Variants in SLC1A2 observed in about 807,000 individuals in gnomAD.
The protein encoded by SLC1A2 is solute carrier family 1 member 2, also known as excitatory amino acid transporter 2.
Under a neutral mutation model 48.8 loss-of-function variants are expected in SLC1A2, and 15 were observed. The ratio of observed to expected loss-of-function variants is 0.31; its 90% CI spans 0.21 to 0.47. SLC1A2 has a LOEUF of 0.47. SLC1A2 is among the 20% of genes least tolerant of loss of function. SLC1A2 has a pLI of 0.99. For synonymous variants in SLC1A2, 279 were observed against 272.6 expected, an observed-to-expected ratio of 1.02 and a Z score of -0.23; for missense variants, 502 against 730.5, an observed-to-expected ratio of 0.69 and a Z score of 3.61.
chr11:35,268,600 G>C (rs1850175531), intron 9 of SLC1A2, among the ~76,000 whole-genome samples: 1 of 151,668 alleles, frequency 6.6e-6, no homozygotes, highest in African/African-American at 2.4e-5. Context: ...GGGAGGCAGA[G>C]GTTGCAGTGA....
intron 1 of SLC1A2, among the ~76,000 whole-genome samples, chr11:35,402,774 G>A (rs1242593969): frequency 6.6e-6 from 1 of 152,216 alleles, no homozygotes; most frequent in Admixed American, 6.5e-5. Flanking sequence ...CAGGACACCT[G>A]CCTGGTGTCG....
chr11:35,321,129 G>T (rs990426870), intron 1 of SLC1A2, among the ~76,000 whole-genome samples: 4 of 152,142 alleles, frequency 2.6e-5, no homozygotes, highest in African/African-American at 9.7e-5. Context: ...AGGGGGAAAA[G>T]CCCCTTATAA....
intron 1 of SLC1A2, among the ~76,000 whole-genome samples, chr11:35,356,089 C>T (rs1853450871): frequency 6.6e-6 from 1 of 152,074 alleles, no homozygotes; most frequent in Admixed American, 6.6e-5. Flanking sequence ...GTTGGTGTGG[C>T]CTTCTGAGCA....
In SLC1A2 at chr11:35,258,767, C is replaced by T. The variant is rs1434711927; in HGVS notation, c.*2127G>A. The T allele has an allele frequency of 6.6e-6, 1 of 152,048 alleles. No homozygotes were observed. The highest frequency in any genetic ancestry group is 1.5e-5 in the Non-Finnish European group (1 of 68,042). 9.4% of individuals were successfully genotyped at this position (152,048 alleles called of 1,614,324 possible). A position where few individuals can be genotyped will look rare whatever the true frequency, so the allele number is the denominator to read the frequency against. Reference sequence around the variant, plus strand: ...CCATCCTGGCTAACATAATGAAACCCATCTGTACTAAAAATACAAAAAATT... The same window carrying T: ...CCATCCTGGCTAACATAATGAAACCTATCTGTACTAAAAATACAAAAAATT... On this transcript the variant is annotated 3_prime_UTR_variant, in exon 11 of 11. Coordinates refer to ENST00000278379, the MANE Select transcript of SLC1A2 (RefSeq NM_004171.4).
chr11:35,336,236 T>C (rs1421331179), intron 1 of SLC1A2, among the ~76,000 whole-genome samples: 1 of 152,184 alleles, frequency 6.6e-6, no homozygotes, highest in Admixed American at 6.5e-5. Flanking sequence ...ACTTAGGTGA[T>C]GGGTTGATAA....
At chr11:35,361,007 C>T (rs1257936662) in intron 1 of SLC1A2, among the ~76,000 whole-genome samples, 1 of 152,078 alleles carries the variant, frequency 6.6e-6, no homozygotes, top group Non-Finnish European at 1.5e-5. Context: ...TCCTGAGTAG[C>T]TGGGACTACA....
rs1219689215 is a variant in SLC1A2, at chr11:35,257,527, G to A, written c.*3367C>T. 6.6e-6 allele frequency: 1 copy of A among 152,162 alleles called. No homozygotes were observed. The highest frequency in any genetic ancestry group is 1.5e-5 in the Non-Finnish European group (1 of 68,018). The allele number at this position is 152,162 out of a possible 1,614,324, so 9.4% of individuals were successfully genotyped here. A position where few individuals can be genotyped will look rare whatever the true frequency, so the allele number is the denominator to read the frequency against. On this transcript the variant is annotated 3_prime_UTR_variant, in exon 11 of 11. Coordinates refer to ENST00000278379, the MANE Select transcript of SLC1A2 (RefSeq NM_004171.4). The stretch of plus-strand genomic sequence containing the variant: ...CTAGAGTCCTATGTTGAAGATCTGT[G>A]AGATCTAGATGATTGCCCTGATTTT...
rs1332105337 is a variant in SLC1A2 at position 35,256,896 on chromosome 11, A to T, written c.*3998T>A. The T allele has an allele frequency of 6.6e-6, 1 of 152,160 alleles. No homozygotes were observed. Among genetic ancestry groups the T allele is most frequent in the African/African-American group, 2.4e-5 (1 of 41,438 alleles). 9.4% of individuals were successfully genotyped at this position (152,160 alleles called of 1,614,324 possible). On this transcript the variant is annotated 3_prime_UTR_variant, in exon 11 of 11. Transcript: ENST00000278379. ...TGAGACTTGTTTTTCAGGAGTCAGA[A>T]CTATGGAGAATTCTCTCTGAGCACG...
intron 1 of SLC1A2, among the ~76,000 whole-genome samples, chr11:35,329,620 G>T (rs567978120): frequency 6.6e-6 from 1 of 152,328 alleles, no homozygotes; most frequent in Non-Finnish European, 1.5e-5. Flanking sequence ...CATCACATCT[G>T]GATGGGGCCT....
intron 9 of SLC1A2, among the ~76,000 whole-genome samples, chr11:35,272,450 G>A (rs748096402): frequency 2.6e-5 from 4 of 152,198 alleles, no homozygotes; most frequent in Non-Finnish European, 5.9e-5. Flanking sequence ...CCAGCCAGGA[G>A]GTAGGTCATG....
chr11:35,306,805 G>A (rs1039438492), intron 4 of SLC1A2, among the ~76,000 whole-genome samples: 51 of 152,080 alleles, frequency 3.4e-4, no homozygotes, highest in African/African-American at 1.1e-3. Context: ...TTTGTGCCTG[G>A]CTTATTTCAC....
intron 1 of SLC1A2, among the ~76,000 whole-genome samples, chr11:35,332,560 T>C (rs1208577478): frequency 6.6e-6 from 1 of 152,242 alleles, no homozygotes; most frequent in East Asian, 1.9e-4. Context: ...ATTATGTATA[T>C]GACAAAATTA....
chr11:35,416,053 C>A (rs192015323), intron 1 of SLC1A2, among the ~76,000 whole-genome samples: 93 of 152,320 alleles, frequency 6.1e-4, no homozygotes, highest in African/African-American at 2.0e-3. Flanking sequence ...CCTTGCTTTG[C>A]AGGAAAATAC....
intron 1 of SLC1A2, among the ~76,000 whole-genome samples, chr11:35,348,662 C>T (rs369111715): frequency 9.9e-5 from 15 of 151,642 alleles, no homozygotes; most frequent in Admixed American, 9.2e-4. Context: ...GAGGCTGAGG[C>T]GGATAGATCA....
At chr11:35,288,016 C>T (rs1253404275) in intron 7 of SLC1A2, among the ~76,000 whole-genome samples, 1 of 152,132 alleles carries the variant, frequency 6.6e-6, no homozygotes, top group African/African-American at 2.4e-5. Context: ...TCAAAGTTTC[C>T]TCCTTCTACT....
At chr11:35,403,641 A>G (rs1470566610) in intron 1 of SLC1A2, among the ~76,000 whole-genome samples, 4 of 152,196 alleles carry the variant, frequency 2.6e-5, no homozygotes, top group Non-Finnish European at 4.4e-5. Context: ...ATATCCATAA[A>G]GCAGGTCCTG....
intron 1 of SLC1A2, among the ~76,000 whole-genome samples, chr11:35,416,150 G>A (rs1359504423): frequency 6.6e-5 from 10 of 152,142 alleles, no homozygotes; most frequent in Non-Finnish European, 1.3e-4. Flanking sequence ...AATAATCAAA[G>A]CCCTCAAAAA....
chr11:35,287,619 T>G (rs1383821507), intron 7 of SLC1A2, among the ~76,000 whole-genome samples: 2 of 152,168 alleles, frequency 1.3e-5, no homozygotes, highest in African/African-American at 2.4e-5. Context: ...ATGTGCTCAT[T>G]AGCAAATCAA....
intron 1 of SLC1A2, chr11:35,322,820 G>A (rs976022520): frequency 9.5e-5 from 66 of 697,750 alleles, no homozygotes; most frequent in Non-Finnish European, 1.7e-4. Flanking sequence ...AGCTTTGATT[G>A]TCCCACATCC....
Sources: allele counts gnomAD v4.1 joint callset (sites outside exome capture counted in the v4.1 genomes callset), GRCh38; gene constraint gnomAD v4.1.1; transcripts MANE v1.5; gene names NCBI Gene and HGNC (gene_info 2026-07-23, HGNC 2026-07-21).